Variants in PLA2G4E observed in about 807,000 individuals in gnomAD.
PLA2G4E encodes the protein cytosolic phospholipase A2 epsilon.
In PLA2G4E, 84 loss-of-function variants were observed where a neutral mutation model predicts 109.1. The observed-to-expected ratio is 0.77, with a 90% CI of 0.65 to 0.92. The LOEUF (loss-of-function observed/expected upper bound fraction) is 0.92. Ranked by LOEUF, PLA2G4E falls within the 40% of genes least tolerant of loss-of-function variation. The pLI, the probability that PLA2G4E is intolerant of heterozygous loss-of-function variation, is 0.00. For missense variants in PLA2G4E, 1,057 were observed against 1,076.6 expected, an observed-to-expected ratio of 0.98 and a Z score of 0.25; for synonymous variants, 469 against 436.1, an observed-to-expected ratio of 1.08 and a Z score of -0.94.
exon 20 of PLA2G4E, chr15:41,983,612 T>C: frequency 2.8e-6 from 2 of 725,534 alleles, no homozygotes; most frequent in Non-Finnish European, 4.4e-6. Context: ...AATTTTTTAC[T>C]TTTCGTTAGA....
chr15:42,020,802 G>A (rs778461818), intron 1 of PLA2G4E, among the ~76,000 whole-genome samples, 133 bp downstream of exon 1: 5 of 152,098 alleles, frequency 3.3e-5, no homozygotes, highest in Admixed American at 6.5e-5. Context: ...AGGTCCTTGG[G>A]ATGTCCAATG....
rs572932377 is a variant in PLA2G4E, at chr15:41,985,937, C to T, written c.2104G>A (p.Ala702Thr). 2.9e-5 allele frequency: 47 copies of T among 1,606,332 alleles called. No homozygotes were observed. In the Admixed American group the frequency reaches 6.4e-4, roughly 22 times the overall value. Residue 702 changes from alanine to threonine, a missense_variant, in exon 18 of 20, where the codon GCG (alanine) becomes ACG (threonine). Ala to Thr is a moderately conservative substitution (Grantham distance 58). Coordinates refer to ENST00000399518, the Ensembl canonical transcript of PLA2G4E. ...GGGTAGCTGGAGTTGACAAAGAACG[C>T]AGTGTCCAGCAGGCACAGGTGGTTC...
intron 1 of PLA2G4E, among the ~76,000 whole-genome samples, chr15:42,036,744 G>A (rs1421008750): frequency 6.6e-6 from 1 of 152,164 alleles, no homozygotes; most frequent in Non-Finnish European, 1.5e-5. Flanking sequence ...GCGAAGGAGG[G>A]GCGGATGGAG....
At chr15:42,005,275 C>T (rs549122315) in intron 4 of PLA2G4E, among the ~76,000 whole-genome samples, 3 of 152,344 alleles carry the variant, frequency 2.0e-5, no homozygotes, top group Admixed American at 6.5e-5. Flanking sequence ...GGCTTCCCAC[C>T]GCTCTCCTGC....
chr15:42,004,932 A>G lies in PLA2G4E; in HGVS notation c.566+6T>C. 6.2e-7 allele frequency: 1 copy of G among 1,612,928 alleles called. No individual in the cohort carries two copies. Among genetic ancestry groups the G allele is most frequent in the Non-Finnish European group, 8.5e-7 (1 of 1,179,644 alleles). On this transcript the variant is annotated splice_donor_region_variant and intron_variant, in intron 5 of 19. Transcript: ENST00000399518. The stretch of plus-strand genomic sequence containing the variant: ...TTGGTGGGCCCCGGGGCCTGGGCCT[A>G]CTCACCTCTCCTCCAGCAGGAACTC...
chr15:42,044,658 T>G (rs905608143), intron 1 of PLA2G4E, among the ~76,000 whole-genome samples: 3 of 134,198 alleles, frequency 2.2e-5, no homozygotes, highest in Admixed American at 7.3e-5. Context: ...GGGGGAGGGA[T>G]AGCATTAGGA....
chr15:41,999,234 G>T, intron 10 of PLA2G4E: 1 of 300,552 alleles, frequency 3.3e-6, no homozygotes, highest in Non-Finnish European at 6.2e-6. Flanking sequence ...ATACGCCATA[G>T]AATAAGAGGA....
At chr15:41,997,291 G>A (rs1274061334) in intron 10 of PLA2G4E, 32 bp from the exon 11 acceptor site, 1 of 1,512,126 alleles carries the variant, frequency 6.6e-7, no homozygotes, top group Non-Finnish European at 8.9e-7. Context: ...TATTGGGCCT[G>A]CAGCCTCTAC....
exon 20 of PLA2G4E, chr15:41,983,699 G>A: frequency 6.8e-7 from 1 of 1,471,180 alleles, no homozygotes; most frequent in African/African-American, 1.4e-5. Context: ...GCCCTGAGGG[G>A]TCCTGCACCT....
Position 41,999,887 on chromosome 15 carries a change from C to T in PLA2G4E, c.936+30G>A. On this transcript the variant is annotated intron_variant, in intron 9 of 19. Transcript: ENST00000399518. Reference sequence around the variant, plus strand: ...CACAGGAGCTCCAGGGGAAGTAAGTCAGGGGCCCTTCCCAGACTCAGGCAC... The same window carrying T: ...CACAGGAGCTCCAGGGGAAGTAAGTTAGGGGCCCTTCCCAGACTCAGGCAC... The T allele has an allele frequency of 1.9e-6, 3 of 1,579,214 alleles. 1 individual carries two copies. The highest frequency in any genetic ancestry group is 3.3e-4 in the Middle Eastern group (2 of 6,010).
chr15:42,017,934 C>A (rs1221336876), intron 1 of PLA2G4E, among the ~76,000 whole-genome samples: 4 of 152,218 alleles, frequency 2.6e-5, no homozygotes, highest in Admixed American at 6.5e-5. Context: ...AGATCACACC[C>A]TCCAGCTCTC....
At chr15:42,035,284 C>A (rs1889189155) in intron 1 of PLA2G4E, among the ~76,000 whole-genome samples, 1 of 152,240 alleles carries the variant, frequency 6.6e-6, no homozygotes. Flanking sequence ...TGTCTACCCA[C>A]CACTCACATA....
At position 42,002,538 on chromosome 15, in the gene PLA2G4E, G is replaced by T. The variant is rs546295821; in HGVS notation, c.609+116C>A. 8.4e-6 allele frequency: 10 copies of T among 1,189,570 alleles called. No homozygotes were observed. In the African/African-American group the frequency reaches 1.1e-4, roughly 13 times the overall value. The allele number at this position is 1,189,570 out of a possible 1,614,324, so 73.7% of individuals were successfully genotyped here. A position where few individuals can be genotyped will look rare whatever the true frequency, so the allele number is the denominator to read the frequency against. On this transcript the variant is annotated intron_variant, in intron 6 of 19. Coordinates refer to ENST00000399518, the Ensembl canonical transcript of PLA2G4E. ...CTCGTTTAGTCTAACTCCTGCAGAG[G>T]TCAGGATAGGACAGAGACCAAGCTG...
intron 15 of PLA2G4E, among the ~76,000 whole-genome samples, chr15:41,989,048 G>C (rs547681846): frequency 6.6e-6 from 1 of 152,292 alleles, no homozygotes; most frequent in African/African-American, 2.4e-5. Flanking sequence ...GGCTGGGCTA[G>C]GCTTCTCTGG....
intron 1 of PLA2G4E, among the ~76,000 whole-genome samples, chr15:42,029,808 G>C (rs1889081745): frequency 6.6e-6 from 1 of 152,192 alleles, no homozygotes; most frequent in African/African-American, 2.4e-5. Flanking sequence ...CACATGACGG[G>C]CACGTGGCTG....
At chr15:41,990,081 C>G (rs777938427) in intron 14 of PLA2G4E, 40 bp downstream of exon 14, 3 of 1,558,742 alleles carry the variant, frequency 1.9e-6, no homozygotes, top group Non-Finnish European at 2.6e-6. Context: ...AGAAGTCCCC[C>G]CCTCCACCCC....
At chr15:42,019,794 A>G (rs1476690257) in intron 1 of PLA2G4E, among the ~76,000 whole-genome samples, 2 of 152,132 alleles carry the variant, frequency 1.3e-5, no homozygotes, top group East Asian at 1.9e-4. Context: ...AGGCTAGTTG[A>G]GTGGTCAGGG....
chr15:41,991,852 G>T (rs1267345155), intron 13 of PLA2G4E, among the ~76,000 whole-genome samples: 2 of 152,172 alleles, frequency 1.3e-5, no homozygotes, highest in African/African-American at 2.4e-5. Flanking sequence ...GCTCTCCTCT[G>T]GGGCCAGGCA....
chr15:42,023,274 A>G (rs1199644838), intron 1 of PLA2G4E, among the ~76,000 whole-genome samples: 1 of 151,668 alleles, frequency 6.6e-6, no homozygotes, highest in Non-Finnish European at 1.5e-5. Context: ...CACAGATACC[A>G]CCAACTTGGT....
Sources: allele counts gnomAD v4.1 joint callset (sites outside exome capture counted in the v4.1 genomes callset), GRCh38; gene constraint gnomAD v4.1.1; transcripts MANE v1.5; gene names NCBI Gene and HGNC (gene_info 2026-07-23, HGNC 2026-07-21).